AUTS2: variants seen among roughly 807,000 people sequenced by gnomAD.
AUTS2 encodes the protein activator of transcription and developmental regulator AUTS2, also known as autism susceptibility gene 2 protein.
Under a neutral mutation model 112.4 loss-of-function variants are expected in AUTS2, and 17 were observed. The observed-to-expected ratio is 0.15, with a 90% CI of 0.10 to 0.23. The LOEUF (loss-of-function observed/expected upper bound fraction) is 0.23. Ranked by LOEUF, AUTS2 falls within the 10% of genes least tolerant of loss-of-function variation. The pLI is 1.00. For synonymous variants in AUTS2, 751 were observed against 702.7 expected, an observed-to-expected ratio of 1.07 and a Z score of -1.09; for missense variants, 1,510 against 1,701.6, an observed-to-expected ratio of 0.89 and a Z score of 1.98.
chr7:70,081,278 G>A (rs528608156), intron 2 of AUTS2, among the ~76,000 whole-genome samples: 1 of 151,574 alleles, frequency 6.6e-6, no homozygotes, highest in South Asian at 2.1e-4. Flanking sequence ...TGAGCTGGAC[G>A]CGCTGGTCAT....
chr7:70,237,151 T>A (rs1204851992), intron 4 of AUTS2, among the ~76,000 whole-genome samples: 2 of 152,278 alleles, frequency 1.3e-5, no homozygotes, highest in Middle Eastern at 3.4e-3. Flanking sequence ...CACTGTTGAT[T>A]CCTGCTTGTC....
At position 70,774,053 on chromosome 7, in the gene AUTS2, C is replaced by G; in HGVS notation, c.1856C>G (p.Ala619Gly). The G allele has an allele frequency of 6.2e-7, 1 of 1,614,208 alleles. No individual in the cohort carries two copies. The highest frequency in any genetic ancestry group is 8.5e-7 in the Non-Finnish European group (1 of 1,180,044). ...ACATCCAACCCTATCGATGTCGCTG[C>G]TCGGCCTGGGACAGTCCCACACACT... ...PKTSNPIDVA[A>G]RPGTVPHTLL... Residue 619 changes from alanine to glycine, a missense_variant, in exon 12 of 19, where the codon GCT (alanine) becomes GGT (glycine). Physicochemically the swap from Ala to Gly is moderately conservative, Grantham distance 60 (BLOSUM62 0). Coordinates refer to ENST00000342771, the MANE Select transcript of AUTS2 (RefSeq NM_015570.4).
chr7:69,599,821 G>A lies in AUTS2; in HGVS notation c.168G>A (p.Lys56=), dbSNP rs1294562635. 1.9e-6 allele frequency: 3 copies of A among 1,608,522 alleles called. No individual in the cohort carries two copies. The highest frequency in any genetic ancestry group is 2.5e-6 in the Non-Finnish European group (3 of 1,177,952). ...LSLASSSGSD[K]EDNGKPPSSA... The stretch of plus-strand genomic sequence containing the variant: ...TCGCCTCGTCGTCGGGCTCCGACAA[G>A]GAAGACAATGGGAAGCCCCCGTCCT... Residue 56 remains lysine, a synonymous_variant, in exon 1 of 19, where the codon AAG becomes AAA. Coordinates refer to ENST00000342771, the MANE Select transcript of AUTS2 (RefSeq NM_015570.4). This position sits in a 1 kb window ranked among gnomAD's most constrained non-coding sequence, Gnocchi z 7.0.
At chr7:70,382,196 G>A (rs1489267226) in intron 4 of AUTS2, among the ~76,000 whole-genome samples, 1 of 152,140 alleles carries the variant, frequency 6.6e-6, no homozygotes, top group African/African-American at 2.4e-5. Flanking sequence ...GTCATTGGCT[G>A]TCCTTGTTGA....
intron 6 of AUTS2, among the ~76,000 whole-genome samples, chr7:70,754,130 C>T (rs544547911): frequency 6.6e-6 from 1 of 152,160 alleles, no homozygotes; most frequent in Non-Finnish European, 1.5e-5. Context: ...CGCTGCACTC[C>T]AGCCTGGGCG....
chr7:70,790,071 C>T lies in AUTS2; in HGVS notation c.2855C>T (p.Ala952Val). The T allele has an allele frequency of 6.3e-7, 1 of 1,576,920 alleles. No homozygotes were observed. Among genetic ancestry groups the T allele is most frequent in the South Asian group, 1.2e-5 (1 of 86,808 alleles). ...GTGCGGACCCCGGTGGTGGAGAGTG[C>T]CAGGCCCAACAGCACCTCGAGCCGG... is the stretch of plus-strand genomic sequence containing the variant. ...PYVRTPVVES[A>V]RPNSTSSREA... Residue 952 changes from alanine (A) to valine (V), a missense_variant, in exon 19 of 19, where the codon GCC becomes GTC. Coordinates refer to ENST00000342771, the MANE Select transcript of AUTS2 (RefSeq NM_015570.4). This position sits in a 1 kb window ranked among gnomAD's most constrained non-coding sequence, Gnocchi z 7.6.
intron 2 of AUTS2, among the ~76,000 whole-genome samples, chr7:70,022,559 A>G (rs1333804843): frequency 6.6e-6 from 1 of 152,078 alleles, no homozygotes; most frequent in African/African-American, 2.4e-5. Flanking sequence ...GGTTTCAAGC[A>G]GTCTGCCCCC....
chr7:70,416,458 A>G lies in AUTS2; in HGVS notation c.661-19294A>G, dbSNP rs1050399431. ...GCTTGCTTTCGGTGGGCTCTTTTGAATGGGCCTTGCCCAAGCTCAATGCTC... is the reference window on the plus strand; with the variant it reads ...GCTTGCTTTCGGTGGGCTCTTTTGAGTGGGCCTTGCCCAAGCTCAATGCTC... On this transcript the variant is annotated intron_variant, in intron 4 of 18. Coordinates refer to ENST00000342771, the MANE Select transcript of AUTS2 (RefSeq NM_015570.4). Among the ~76,000 whole-genome samples, 3 of 152,158 alleles carry G rather than the reference A, an allele frequency of 2.0e-5. No individual in the cohort carries two copies. The South Asian group carries it at 6.2e-4, about 32-fold the overall frequency.
intron 4 of AUTS2, among the ~76,000 whole-genome samples, chr7:70,357,089 T>C (rs2129625144): frequency 6.6e-6 from 1 of 152,308 alleles, no homozygotes; most frequent in South Asian, 2.1e-4. Context: ...TCCCAGGTAG[T>C]TGGGCTCTAA....
chr7:70,511,649 C>T (rs1382222862), intron 5 of AUTS2, among the ~76,000 whole-genome samples: 1 of 136,036 alleles, frequency 7.4e-6, no homozygotes, highest in Non-Finnish European at 1.5e-5. Flanking sequence ...GATCTGGGCT[C>T]ACTGCAATCT....
At chr7:70,738,869 TC>T (rs1787928454) in intron 6 of AUTS2, among the ~76,000 whole-genome samples, 1 of 152,150 alleles carries the variant, frequency 6.6e-6, no homozygotes, top group Non-Finnish European at 1.5e-5. Context: ...AAATGTCTTT[TC>T]CTCATTTTAT....
chr7:70,487,387 A>G (rs955216655), intron 5 of AUTS2, among the ~76,000 whole-genome samples: 1 of 152,214 alleles, frequency 6.6e-6, no homozygotes, highest in African/African-American at 2.4e-5. Flanking sequence ...TTGTTTTCAC[A>G]AAACAGCCAA....
At chr7:70,340,685 C>T (rs150557596) in intron 4 of AUTS2, among the ~76,000 whole-genome samples, 15 of 152,304 alleles carry the variant, frequency 9.8e-5, no homozygotes, top group Non-Finnish European at 1.9e-4. Flanking sequence ...ATGTATGAAT[C>T]TTTGCCTTCT....
intron 1 of AUTS2, among the ~76,000 whole-genome samples, chr7:69,876,477 A>T: frequency 1.5e-5 from 1 of 67,384 alleles, no homozygotes; most frequent in Non-Finnish European, 2.7e-5. Context: ...TACATAAAAT[A>T]TTTTGTGTAT....
chr7:69,881,564 C>G (rs1258227307), intron 1 of AUTS2, among the ~76,000 whole-genome samples: 4 of 152,114 alleles, frequency 2.6e-5, no homozygotes, highest in Non-Finnish European at 5.9e-5. Flanking sequence ...AATGCTTTTT[C>G]AGGACTTCTT....
At chr7:70,466,970 G>A (rs1797192058) in intron 5 of AUTS2, among the ~76,000 whole-genome samples, 1 of 152,210 alleles carries the variant, frequency 6.6e-6, no homozygotes, top group Admixed American at 6.5e-5. Flanking sequence ...GGGGCTGAGA[G>A]AAGAAAAGGA....
chr7:69,605,937 T>C (rs1057301115), intron 1 of AUTS2, among the ~76,000 whole-genome samples: 1 of 152,242 alleles, frequency 6.6e-6, no homozygotes, highest in Non-Finnish European at 1.5e-5. Flanking sequence ...TATTTTACTT[T>C]ATAAGGCAGA....
chr7:69,883,951 C>T lies in AUTS2; in HGVS notation c.310-15335C>T, dbSNP rs190737864. Among the ~76,000 whole-genome samples the T allele has an allele frequency of 3.9e-5, 6 of 152,304 alleles. 1 individual carries two copies. Among genetic ancestry groups the T allele is most frequent in the Non-Finnish European group, 5.9e-5 (4 of 68,032 alleles). On this transcript the variant is annotated intron_variant, in intron 1 of 18. Coordinates refer to ENST00000342771, the MANE Select transcript of AUTS2 (RefSeq NM_015570.4). ...ATTTCACTTTCATGAATATAATTTG[C>T]TGAGCCTGTGGTGACATCAATAAAT...
In AUTS2 at chr7:70,762,993, T is replaced by A; in HGVS notation, c.866T>A (p.Ile289Asn). The A allele has an allele frequency of 6.2e-7, 1 of 1,613,992 alleles. No homozygotes were observed. Among genetic ancestry groups the A allele is most frequent in the Non-Finnish European group, 8.5e-7 (1 of 1,179,984 alleles). ...EKSQDCCKEPIFEPVVLKDPC... is the reference protein window; with the variant it reads ...EKSQDCCKEPNFEPVVLKDPC... ...AGCCAGGACTGTTGCAAAGAGCCAA[T>A]CTTTGAGCCTGTGGTGCTTAAAGAC... Residue 289 changes from isoleucine to asparagine, a missense_variant, in exon 7 of 19, where the codon ATC (isoleucine) becomes AAC (asparagine). Ile to Asn is a moderately radical substitution (Grantham distance 149, BLOSUM62 -3). Around this residue, in one of 3 missense-constraint regions of AUTS2, gnomAD observed 535 missense variants for 594.3 expected, o/e 0.90. Transcript: ENST00000342771.
Sources: gnomAD v4.1 joint callset for allele counts (sites outside exome capture counted in the v4.1 genomes callset) on GRCh38, gnomAD v4.1.1 for gene constraint, gnomAD v4.1.1 regional missense constraint, Gnocchi (gnomAD v3.1) non-coding constraint, MANE v1.5 for transcripts, NCBI Gene and HGNC (gene_info 2026-07-23, HGNC 2026-07-21) for gene names.